NFIB: variants seen among roughly 807,000 people sequenced by gnomAD.
NFIB encodes the protein nuclear factor I B.
A neutral mutation model predicts 61.5 loss-of-function variants in NFIB; 11 were observed. The ratio of observed to expected loss-of-function variants is 0.18; its 90% confidence interval spans 0.11 to 0.30. The LOEUF is 0.30. Among genes scored for constraint, NFIB ranks in the 10% least tolerant of loss-of-function variants. NFIB has a pLI of 1.00. For synonymous variants in NFIB, 260 were observed against 216.5 expected, an observed-to-expected ratio of 1.20 and a Z score of -1.76; for missense variants, 471 against 608.9, an observed-to-expected ratio of 0.77 and a Z score of 2.38.
chr9:14,366,794 C>A (rs1282138096), intron 1 of NFIB, among the ~76,000 whole-genome samples: 1 of 152,050 alleles, frequency 6.6e-6, no homozygotes, highest in Non-Finnish European at 1.5e-5. Context: ...GAATTTTATT[C>A]TTTTTAAATT....
the NFIB span, among the ~76,000 whole-genome samples, chr9:14,481,712 A>G: frequency 6.6e-6 from 1 of 152,218 alleles, no homozygotes; most frequent in Middle Eastern, 3.4e-3. Flanking sequence ...TCCGGATATT[A>G]CTACCTGGAA....
the NFIB span, among the ~76,000 whole-genome samples, chr9:14,474,324 G>C: frequency 2.0e-5 from 3 of 152,144 alleles, no homozygotes; most frequent in African/African-American, 7.2e-5. Flanking sequence ...AGTCAAGGAA[G>C]TTCTCTGGGG....
intron 1 of NFIB, among the ~76,000 whole-genome samples, chr9:14,309,041 TC>T (rs1563997691): frequency 6.6e-6 from 1 of 152,208 alleles, no homozygotes; most frequent in Admixed American, 6.5e-5. Context: ...CCACCACTTT[TC>T]TGATCATATT....
chr9:14,403,093 T>C (rs114172851), upstream of NFIB, among the ~76,000 whole-genome samples: 1,095 of 152,326 alleles, frequency 7.2e-3, 11 homozygotes, highest in African/African-American at 0.025. Flanking sequence ...CACTTATGCA[T>C]TGTTTGAGCA....
chr9:14,360,845 C>A (rs1379821105), intron 1 of NFIB, among the ~76,000 whole-genome samples: 1 of 151,982 alleles, frequency 6.6e-6, no homozygotes, highest in Non-Finnish European at 1.5e-5. Flanking sequence ...CTTGAGCCAC[C>A]GCGCCTGGCC....
chr9:14,482,170 A>G, the NFIB span, among the ~76,000 whole-genome samples: 16,631 of 151,040 alleles, frequency 0.11, 993 homozygotes, highest in South Asian at 0.19. Flanking sequence ...TGAGCTAACA[A>G]ATTAGTTTTC....
intron 10 of NFIB, among the ~76,000 whole-genome samples, chr9:14,103,337 T>C (rs1386845134): frequency 7.2e-6 from 1 of 139,226 alleles, no homozygotes; most frequent in Non-Finnish European, 1.6e-5. Flanking sequence ...TAAACTTATC[T>C]GGGTTGGGGG....
intron 2 of NFIB, among the ~76,000 whole-genome samples, chr9:14,225,159 A>G (rs1256228811): frequency 6.6e-6 from 1 of 152,172 alleles, no homozygotes; most frequent in Non-Finnish European, 1.5e-5. Flanking sequence ...GTGAGAACAG[A>G]AGGTATTATT....
At chr9:14,239,966 AT>A (rs2054182004) in intron 2 of NFIB, among the ~76,000 whole-genome samples, 1 of 152,156 alleles carries the variant, frequency 6.6e-6, no homozygotes, top group African/African-American at 2.4e-5. Flanking sequence ...ATAAAAAGGA[AT>A]GAGTAAAAAA....
At chr9:14,516,770 T>G in the NFIB span, among the ~76,000 whole-genome samples, 2 of 152,202 alleles carry the variant, frequency 1.3e-5, no homozygotes, top group African/African-American at 4.8e-5. Context: ...CTTTCAATTT[T>G]CTGCCATTTA....
At chr9:14,207,602 T>G (rs1367306390) in intron 2 of NFIB, among the ~76,000 whole-genome samples, 1 of 152,188 alleles carries the variant, frequency 6.6e-6, no homozygotes, top group African/African-American at 2.4e-5. Context: ...GACACCATTT[T>G]CAAAGCCACT....
the NFIB span, among the ~76,000 whole-genome samples, chr9:14,509,416 C>T: frequency 6.6e-6 from 1 of 152,200 alleles, no homozygotes; most frequent in East Asian, 1.9e-4. Flanking sequence ...CTTGCTACTG[C>T]TAAATTGAGC....
intron 2 of NFIB, among the ~76,000 whole-genome samples, chr9:14,232,210 G>A (rs1369363691): frequency 1.3e-5 from 2 of 152,142 alleles, no homozygotes; most frequent in Non-Finnish European, 2.9e-5. Context: ...TGCCATGGTG[G>A]GCAAGTCAAT....
intron 5 of NFIB, 145 bp from the exon 6 acceptor site, chr9:14,146,952 T>C: frequency 9.4e-7 from 1 of 1,061,696 alleles, no homozygotes; most frequent in South Asian, 1.6e-5. Flanking sequence ...GTATTGAAGA[T>C]ATCAATAGTA....
rs771185777 is a variant in NFIB at position 14,150,204 on chromosome 9, G to A, written c.747C>T (p.Tyr249=). The A allele has an allele frequency of 1.9e-6, 3 of 1,613,574 alleles. No homozygotes were observed. In the Admixed American group the frequency reaches 5.0e-5, roughly 27 times the overall value. ...FPIGEIPSQP[Y]YHDMNSGVNL... ...TGACCCCCGAGTTCATGTCATGATAGTATGGTTGGCTTGGGATTTCTCCAA... is the reference window on the plus strand; with the variant it reads ...TGACCCCCGAGTTCATGTCATGATAATATGGTTGGCTTGGGATTTCTCCAA... Residue 249 remains tyrosine, a synonymous_variant, in exon 5 of 11, where the codon TAC becomes TAT. Transcript: ENST00000380953.
At chr9:14,477,374 T>A in the NFIB span, among the ~76,000 whole-genome samples, 2 of 152,222 alleles carry the variant, frequency 1.3e-5, no homozygotes, top group Non-Finnish European at 2.9e-5. Context: ...TGGGTATATA[T>A]AAGTGAATGT....
the NFIB span, among the ~76,000 whole-genome samples, chr9:14,467,634 A>C: frequency 6.6e-6 from 1 of 152,160 alleles, no homozygotes; most frequent in South Asian, 2.1e-4. Flanking sequence ...GTATTTATTC[A>C]CTCAATATTG....
At position 14,082,451 on chromosome 9, in the gene NFIB, T is replaced by C. The variant is rs920016634; in HGVS notation, c.*5858A>G. 9.8e-6 allele frequency: 2 copies of C among 204,172 alleles called. No individual in the cohort carries two copies. The highest frequency in any genetic ancestry group is 2.0e-5 in the Non-Finnish European group (2 of 99,458). The allele number at this position is 204,172 out of a possible 1,614,324, so 12.6% of individuals were successfully genotyped here. On this transcript the variant is annotated 3_prime_UTR_variant, in exon 11 of 11. Transcript: ENST00000380953. ...AGGATGCTAAAAGTTCTATATGATA[T>C]AAGCACAAATTAACAGCTTGATGAA...
In NFIB at chr9:14,177,032, A is replaced by G. The variant is rs150936554; in HGVS notation, c.616+2695T>C. Among the ~76,000 whole-genome samples, 508 of 152,338 alleles carry G rather than the reference A, an allele frequency of 3.3e-3. 4 individuals are homozygous for G. The highest frequency in any genetic ancestry group is 0.012 in the African/African-American group (497 of 41,572). ...CCAGTGGAAAACTACCAGTGATAAG[A>G]AAGTGTTGGTATTCAAGGTGATCTT... On this transcript the variant is annotated intron_variant, in intron 3 of 10. Coordinates refer to ENST00000380953, the MANE Select transcript of NFIB (RefSeq NM_001190737.2).
Sources: gnomAD v4.1 joint callset for allele counts (sites outside exome capture counted in the v4.1 genomes callset) on GRCh38, gnomAD v4.1.1 for gene constraint, MANE v1.5 for transcripts, NCBI Gene and HGNC (gene_info 2026-07-23, HGNC 2026-07-21) for gene names.